ABCB7: variants seen among roughly 807,000 people sequenced by gnomAD.
The protein encoded by ABCB7 is ATP binding cassette subfamily B member 7, also known as iron-sulfur clusters transporter ABCB7, mitochondrial.
ABCB7 carries 7 observed loss-of-function variants against 54.4 expected under a neutral mutation model. The observed-to-expected ratio is 0.13, with a 90% CI of 0.07 to 0.24. The LOEUF (loss-of-function observed/expected upper bound fraction) is 0.24, where lower values mean the gene tolerates loss of function less well. ABCB7 is among the 10% of genes least tolerant of loss of function. ABCB7 has a pLI of 1.00. For synonymous variants in ABCB7, 218 were observed against 207.1 expected, an observed-to-expected ratio of 1.05 and a Z score of -0.45; for missense variants, 356 against 570.4, an observed-to-expected ratio of 0.62 and a Z score of 3.83.
Position 75,079,669 on chromosome X carries a change from G to C in ABCB7, c.454-3015C>G, listed in dbSNP as rs193153856. Among the ~76,000 whole-genome samples the C allele has an allele frequency of 4.5e-5, 5 of 111,598 alleles. No individual in the cohort carries two copies. The East Asian group carries it at 1.4e-3, about 31-fold the overall frequency. ...CACATTACCGTTAACTACTGGACTA[G>C]AGAACTCATTCAGTTTTCACCAACT... On this transcript the variant is annotated intron_variant, in intron 4 of 15. Transcript: ENST00000373394.
intron 4 of ABCB7, among the ~76,000 whole-genome samples, chrX:75,086,421 T>C (rs1206370859): frequency 2.7e-5 from 3 of 111,595 alleles, no homozygotes; most frequent in Non-Finnish European, 5.6e-5. Flanking sequence ...CCTCAAGTTC[T>C]AGATTTAATT....
chrX:75,143,215 C>A (rs751935064), intron 1 of ABCB7, among the ~76,000 whole-genome samples: 8 of 111,414 alleles, frequency 7.2e-5, no homozygotes, highest in Non-Finnish European at 1.1e-4. Flanking sequence ...CTGCTAGATG[C>A]CCTAAATCAT....
At chrX:75,134,611 A>G (rs1287461634) in intron 1 of ABCB7, among the ~76,000 whole-genome samples, 3 of 112,190 alleles carry the variant, frequency 2.7e-5, no homozygotes, top group Non-Finnish European at 5.6e-5. Flanking sequence ...AAAAGCTGAA[A>G]TTGTACCAAC....
At chrX:75,119,229 G>A (rs1340153472) in intron 1 of ABCB7, among the ~76,000 whole-genome samples, 1 of 112,189 alleles carries the variant, frequency 8.9e-6, no homozygotes, top group Non-Finnish European at 1.9e-5. Context: ...TTTGGTAAAA[G>A]ATTACAAGAA....
chrX:75,087,150 G>C (rs1602357159), intron 4 of ABCB7, among the ~76,000 whole-genome samples: 1 of 111,721 alleles, frequency 9.0e-6, no homozygotes, highest in Non-Finnish European at 1.9e-5. Context: ...TCTGTCTATG[G>C]AGCAACCATT....
intron 1 of ABCB7, among the ~76,000 whole-genome samples, chrX:75,138,205 G>A (rs1358030472): frequency 1.2e-5 from 1 of 82,575 alleles, no homozygotes; most frequent in Non-Finnish European, 2.3e-5. Context: ...CAAGGATGTG[G>A]AGAAATTGCA....
At chrX:75,088,913 A>T (rs1221764981) in intron 4 of ABCB7, among the ~76,000 whole-genome samples, 1 of 110,347 alleles carries the variant, frequency 9.1e-6, no homozygotes, top group Admixed American at 9.6e-5. Context: ...CTGGCATATC[A>T]TATTCAAACT....
intron 9 of ABCB7, 107 bp downstream of exon 9, chrX:75,071,402 G>T: frequency 1.1e-6 from 1 of 909,723 alleles, no homozygotes; most frequent in Middle Eastern, 2.7e-4. Flanking sequence ...GGATGTGAAA[G>T]CACTTTAACA....
Position 75,079,166 on chromosome X carries a change from C to T in ABCB7, c.454-2512G>A, listed in dbSNP as rs142067853. On this transcript the variant is annotated intron_variant, in intron 4 of 15. Transcript: ENST00000373394. The stretch of plus-strand genomic sequence containing the variant: ...AGTGTTCAGGACGTGTGAGTGTCAT[C>T]TGCATTGTGTTGTTAGTGGCAGAAA... Among the ~76,000 whole-genome samples the T allele has an allele frequency of 3.7e-3, 410 of 112,208 alleles. 1 individual carries two copies. The highest frequency in any genetic ancestry group is 0.011 in the African/African-American group (333 of 30,896).
In ABCB7 at chrX:75,053,003, T is replaced by G. The variant is rs1311115550; in HGVS notation, c.*367A>C. 5.6e-6 allele frequency: 1 copy of G among 178,130 alleles called. No individual in the cohort carries two copies. Among genetic ancestry groups the G allele is most frequent in the Non-Finnish European group, 1.0e-5 (1 of 96,882 alleles). 14.7% of individuals were successfully genotyped at this position (178,130 alleles called of 1,213,427 possible). ...TTCTTTCATGTTAAGAAACAGACAC[T>G]TTCCCTCTAAATTGTCAGCATAAAG... is the stretch of plus-strand genomic sequence containing the variant. On this transcript the variant is annotated 3_prime_UTR_variant, in exon 16 of 16. Transcript: ENST00000373394.
At chrX:75,068,487 T>C (rs1296378508) in intron 12 of ABCB7, among the ~76,000 whole-genome samples, 1 of 112,075 alleles carries the variant, frequency 8.9e-6, no homozygotes, top group African/African-American at 3.2e-5. Flanking sequence ...TGTTTCGTAC[T>C]GAGGGCAGAG....
chrX:75,108,586 A>T (rs1265468817), intron 3 of ABCB7, among the ~76,000 whole-genome samples: 1 of 110,890 alleles, frequency 9.0e-6, no homozygotes, highest in Non-Finnish European at 1.9e-5. Context: ...ATCCAGAAAA[A>T]AAAAAAAAAC....
intron 14 of ABCB7, among the ~76,000 whole-genome samples, chrX:75,061,273 T>C (rs1167228072): frequency 9.0e-6 from 1 of 111,635 alleles, no homozygotes; most frequent in African/African-American, 3.3e-5. Flanking sequence ...TAATAACTCC[T>C]CCCCTTGGCG....
At chrX:75,093,331 C>T (rs772852177) in intron 4 of ABCB7, among the ~76,000 whole-genome samples, 2 of 111,485 alleles carry the variant, frequency 1.8e-5, no homozygotes, top group South Asian at 3.7e-4. Context: ...AAGCTACATA[C>T]CATATGGTTC....
At chrX:75,056,725 C>A (rs2081243692) in intron 15 of ABCB7, among the ~76,000 whole-genome samples, 1 of 110,972 alleles carries the variant, frequency 9.0e-6, no homozygotes, top group Middle Eastern at 4.3e-3. Context: ...TCCAATATAT[C>A]GCAAGGTTCT....
At chrX:75,122,495 T>TATG (rs1257492319) in intron 1 of ABCB7, among the ~76,000 whole-genome samples, 1 of 112,816 alleles carries the variant, frequency 8.9e-6, no homozygotes, top group Non-Finnish European at 1.9e-5. Flanking sequence ...CATGCAGACA[T>TATG]CTCTTTGATA....
chrX:75,095,733 T>C (rs1428089972), intron 4 of ABCB7, among the ~76,000 whole-genome samples: 1 of 112,619 alleles, frequency 8.9e-6, no homozygotes, highest in Non-Finnish European at 1.9e-5. Context: ...TTTTCTATAT[T>C]CACTTCTGCT....
intron 1 of ABCB7, among the ~76,000 whole-genome samples, chrX:75,133,153 A>C (rs1287767370): frequency 8.9e-6 from 1 of 112,420 alleles, no homozygotes; most frequent in African/African-American, 3.2e-5. Context: ...AATGAGCTAA[A>C]TAGCTGAAAA....
rs1254661518 is a variant in ABCB7 at position 75,051,953 on chromosome X, A to G, written c.*1417T>C. 8.9e-6 allele frequency: 1 copy of G among 112,383 alleles called. No homozygotes were observed. Among genetic ancestry groups the G allele is most frequent in the Non-Finnish European group, 1.9e-5 (1 of 53,294 alleles). The allele number at this position is 112,383 out of a possible 1,213,427, so 9.3% of individuals were successfully genotyped here. ...TTTCTAAGCTTTTCAGATTACTCCC[A>G]GTATAGCAACTTTCAAATTACATAG... On this transcript the variant is annotated 3_prime_UTR_variant, in exon 16 of 16. Transcript: ENST00000373394.
Sources: allele counts gnomAD v4.1 joint callset (sites outside exome capture counted in the v4.1 genomes callset), GRCh38; gene constraint gnomAD v4.1.1; transcripts MANE v1.5; gene names NCBI Gene and HGNC (gene_info 2026-07-23, HGNC 2026-07-21).